Variants in GALNT17 observed in about 807,000 individuals in gnomAD.
GALNT17 encodes the protein UDP-GalNAc:polypeptide N-acetylgalactosaminyltransferase-like 3.
Under a neutral mutation model 63.7 loss-of-function variants are expected in GALNT17, and 29 were observed. That is an observed-to-expected ratio of 0.46 (90% CI 0.34 to 0.62). The LOEUF is 0.62. Among genes scored for constraint, GALNT17 ranks in the 20% least tolerant of loss-of-function variants. The pLI is 0.01. For synonymous variants in GALNT17, 305 were observed against 318.3 expected, an observed-to-expected ratio of 0.96 and a Z score of 0.45; for missense variants, 603 against 799.6, an observed-to-expected ratio of 0.75 and a Z score of 2.97.
chr7:71,156,579 G>GTCCTTCCTTCCGTCCT (rs1788238382), intron 1 of GALNT17, among the ~76,000 whole-genome samples: 1 of 139,794 alleles, frequency 7.2e-6, no homozygotes, highest in South Asian at 2.4e-4. Flanking sequence ...CACATGAGAT[G>GTCCTTCCTTCCGTCCT]TCCTTCCTTC....
chr7:71,508,430 A>G (rs187805802), intron 5 of GALNT17, among the ~76,000 whole-genome samples: 5 of 152,254 alleles, frequency 3.3e-5, no homozygotes, highest in Admixed American at 6.5e-5. Flanking sequence ...ATAATTTCCA[A>G]TTGGCTTTTA....
At chr7:71,666,744 C>G (rs190060664) in intron 7 of GALNT17, among the ~76,000 whole-genome samples, 3 of 152,254 alleles carry the variant, frequency 2.0e-5, no homozygotes, top group Admixed American at 2.0e-4. Context: ...TGAATCATCT[C>G]TAGATTACTT....
At chr7:71,513,018 G>C (rs1324924500) in intron 5 of GALNT17, among the ~76,000 whole-genome samples, 2 of 152,120 alleles carry the variant, frequency 1.3e-5, no homozygotes, top group Non-Finnish European at 2.9e-5. Context: ...CATTAAAATG[G>C]CAATTAAGTT....
At chr7:71,572,431 G>T (rs1235436253) in intron 6 of GALNT17, among the ~76,000 whole-genome samples, 1 of 135,998 alleles carries the variant, frequency 7.4e-6, no homozygotes, top group African/African-American at 2.8e-5. Flanking sequence ...GAGCCCAGGA[G>T]TTCAAGGCTT....
chr7:71,371,029 A>C (rs1039163144), intron 2 of GALNT17, among the ~76,000 whole-genome samples: 2 of 152,198 alleles, frequency 1.3e-5, no homozygotes, highest in Non-Finnish European at 2.9e-5. Context: ...GTCAAGTTGT[A>C]TCTTTCTTCC....
rs1397260396 is a variant in GALNT17, at chr7:71,693,307, C to CATATAT, written c.1500+16002_1500+16003insTATATA. On this transcript the variant is annotated intron_variant, in intron 9 of 10. Coordinates refer to ENST00000333538, the MANE Select transcript of GALNT17 (RefSeq NM_022479.3). ...ACACACACACACACACACACACACA[C>CATATAT]ACATATATATATATGGAGACAAGAC... 2.4e-3 allele frequency among the ~76,000 whole-genome samples: 310 copies of CATATAT among 126,546 alleles called. 4 individuals carry two copies. Among genetic ancestry groups the CATATAT allele is most frequent in the East Asian group, 0.011 (24 of 2,088 alleles). The allele number at this position is 126,546 out of a possible 152,430, so 83.0% of individuals were successfully genotyped here.
At chr7:71,695,959 A>G (rs1791534517) in intron 9 of GALNT17, among the ~76,000 whole-genome samples, 1 of 152,182 alleles carries the variant, frequency 6.6e-6, no homozygotes, top group Admixed American at 6.5e-5. Context: ...AACTCTGTCA[A>G]TTTCAATAAT....
chr7:71,415,505 C>T (rs1469823422), intron 3 of GALNT17, among the ~76,000 whole-genome samples: 1 of 152,048 alleles, frequency 6.6e-6, no homozygotes, highest in Non-Finnish European at 1.5e-5. Flanking sequence ...ACTGTAAGAA[C>T]GAGTCTGTGT....
chr7:71,494,943 C>T (rs866458974), intron 5 of GALNT17, among the ~76,000 whole-genome samples: 3 of 152,222 alleles, frequency 2.0e-5, no homozygotes, highest in Middle Eastern at 6.8e-3. Flanking sequence ...CAACTGCCCC[C>T]ATGATTCAAT....
intron 9 of GALNT17, among the ~76,000 whole-genome samples, chr7:71,699,319 A>G (rs955895750): frequency 6.6e-6 from 1 of 151,904 alleles, no homozygotes; most frequent in Non-Finnish European, 1.5e-5. Context: ...CTCTACTACA[A>G]GTACAAAAAT....
chr7:71,383,604 A>C (rs752798324), intron 2 of GALNT17, among the ~76,000 whole-genome samples: 14 of 151,750 alleles, frequency 9.2e-5, no homozygotes, highest in Non-Finnish European at 1.5e-4. Context: ...ATGCCTGGCT[A>C]ATTTTTACTT....
At chr7:71,162,519 A>G (rs2116256397) in intron 1 of GALNT17, among the ~76,000 whole-genome samples, 1 of 152,256 alleles carries the variant, frequency 6.6e-6, no homozygotes, top group African/African-American at 2.4e-5. Flanking sequence ...AACAATTATT[A>G]ATAATTTCAA....
At chr7:71,652,554 A>T (rs1428001856) in intron 6 of GALNT17, among the ~76,000 whole-genome samples, 1 of 152,218 alleles carries the variant, frequency 6.6e-6, no homozygotes, top group Admixed American at 6.5e-5. Context: ...AATGATTGGT[A>T]GGATGCGAGT....
At chr7:71,411,775 C>T (rs937841908) in intron 3 of GALNT17, among the ~76,000 whole-genome samples, 7 of 152,278 alleles carry the variant, frequency 4.6e-5, no homozygotes, top group East Asian at 3.9e-4. Flanking sequence ...TCTTGATCAA[C>T]GGACCATTCT....
chr7:71,552,400 C>T (rs1789095751), intron 5 of GALNT17, among the ~76,000 whole-genome samples: 1 of 149,844 alleles, frequency 6.7e-6, no homozygotes, highest in African/African-American at 2.4e-5. Flanking sequence ...ACTTTTAGTT[C>T]TCCTAAGAAC....
At chr7:71,682,752 A>G (rs1281931096) in intron 9 of GALNT17, among the ~76,000 whole-genome samples, 4 of 152,014 alleles carry the variant, frequency 2.6e-5, no homozygotes, top group African/African-American at 9.7e-5. Context: ...GGGTCTCCCT[A>G]TGCTTCCCAG....
At chr7:71,336,528 T>TG (rs1791911108) in intron 2 of GALNT17, among the ~76,000 whole-genome samples, 1 of 152,192 alleles carries the variant, frequency 6.6e-6, no homozygotes, top group African/African-American at 2.4e-5. Context: ...TCATGTCTAT[T>TG]GTTCCCCTCT....
At chr7:71,379,817 G>A (rs1032600503) in intron 2 of GALNT17, among the ~76,000 whole-genome samples, 1 of 152,080 alleles carries the variant, frequency 6.6e-6, no homozygotes, top group Non-Finnish European at 1.5e-5. Flanking sequence ...TAGAGATGTG[G>A]GTTTGGGAGT....
intron 5 of GALNT17, among the ~76,000 whole-genome samples, chr7:71,536,643 C>G (rs1788806918): frequency 6.6e-6 from 1 of 152,114 alleles, no homozygotes; most frequent in African/African-American, 2.4e-5. Context: ...GGAAGCTGCC[C>G]CCATGATTCC....
Sources: allele counts gnomAD v4.1 joint callset (sites outside exome capture counted in the v4.1 genomes callset), GRCh38; gene constraint gnomAD v4.1.1; transcripts MANE v1.5; gene names NCBI Gene and HGNC (gene_info 2026-07-23, HGNC 2026-07-21).